CSMD1: variants seen among roughly 807,000 people sequenced by gnomAD.
CSMD1 encodes the protein CUB and sushi domain-containing protein 1.
CSMD1 carries 213 observed loss-of-function variants against 417.5 expected under a neutral mutation model. The observed-to-expected ratio is 0.51, with a 90% CI of 0.46 to 0.57. The LOEUF is 0.57. Among genes scored for constraint, CSMD1 ranks in the 20% least tolerant of loss-of-function variants. The pLI, the probability that CSMD1 is intolerant of heterozygous loss-of-function variation, is 0.00. For missense variants in CSMD1, 6,923 were observed against 4,529.7 expected (o/e 1.53, Z -15.17); for synonymous variants, 2,862 against 1,736.8 (o/e 1.65, Z -16.11).
intron 1 of CSMD1, among the ~76,000 whole-genome samples, chr8:4,708,196 T>C (rs556672256): frequency 2.2e-4 from 34 of 152,266 alleles, no homozygotes; most frequent in African/African-American, 8.2e-4. Context: ...ACAATCCACC[T>C]ACCTGGGCCT....
At chr8:3,984,704 CATATATAT>C (rs59669026) in intron 5 of CSMD1, among the ~76,000 whole-genome samples, 2,460 of 82,590 alleles carry the variant, frequency 0.03, 81 homozygotes, top group African/African-American at 0.043. Flanking sequence ...GTGTATATAT[CATATATAT>C]ATATATATAT....
At position 3,608,621 on chromosome 8, in the gene CSMD1, G is replaced by A. The variant is rs532667612; in HGVS notation, c.1097+8089C>T. Among the ~76,000 whole-genome samples, 19 of 151,848 alleles carry A rather than the reference G, an allele frequency of 1.3e-4. No individual in the cohort carries two copies. In the East Asian group the frequency reaches 2.0e-3, roughly 16 times the overall value. On this transcript the variant is annotated intron_variant, in intron 8 of 69. Coordinates refer to ENST00000635120, the MANE Select transcript of CSMD1 (RefSeq NM_033225.6). ...TATTAAAAATGCAAAAAAATTAGCC[G>A]GGCATGGTAGCACACGCCTGTAATC...
chr8:4,295,781 T>TACACACAC (rs1797648652), intron 3 of CSMD1, among the ~76,000 whole-genome samples: 1 of 43,234 alleles, frequency 2.3e-5, no homozygotes, highest in Non-Finnish European at 5.2e-5. Flanking sequence ...TATATATATA[T>TACACACAC]ATATATACAC....
At chr8:4,548,843 G>A (rs1365484777) in intron 2 of CSMD1, among the ~76,000 whole-genome samples, 1 of 151,998 alleles carries the variant, frequency 6.6e-6, no homozygotes, top group African/African-American at 2.4e-5. Flanking sequence ...GGTCTTGGGG[G>A]GACATGTGAT....
chr8:3,575,577 G>A (rs1800117547), intron 9 of CSMD1, among the ~76,000 whole-genome samples: 1 of 152,072 alleles, frequency 6.6e-6, no homozygotes, highest in Non-Finnish European at 1.5e-5. Flanking sequence ...AAAGGGTTTT[G>A]GAGCAGATGA....
At chr8:3,617,873 A>C (rs1280722714) in intron 7 of CSMD1, among the ~76,000 whole-genome samples, 1 of 152,222 alleles carries the variant, frequency 6.6e-6, no homozygotes, top group Non-Finnish European at 1.5e-5. Context: ...TATACATATA[A>C]ATATACATTT....
intron 6 of CSMD1, among the ~76,000 whole-genome samples, chr8:3,751,911 C>G (rs1293206892): frequency 1.3e-5 from 2 of 152,146 alleles, no homozygotes; most frequent in Non-Finnish European, 2.9e-5. Flanking sequence ...TGTTAATCAA[C>G]CTAACTGACT....
At chr8:4,333,928 G>C (rs974923151) in intron 3 of CSMD1, among the ~76,000 whole-genome samples, 8 of 151,986 alleles carry the variant, frequency 5.3e-5, no homozygotes, top group Non-Finnish European at 7.4e-5. Flanking sequence ...TTCTCACTCT[G>C]TCATCCAGAC....
intron 4 of CSMD1, among the ~76,000 whole-genome samples, chr8:4,025,702 G>C (rs1308170330): frequency 1.3e-5 from 2 of 152,118 alleles, no homozygotes; most frequent in African/African-American, 2.4e-5. Flanking sequence ...ATAGTTGAAA[G>C]ATTACCTCTC....
chr8:4,205,761 T>A (rs1409259409), intron 3 of CSMD1, among the ~76,000 whole-genome samples: 3 of 152,200 alleles, frequency 2.0e-5, no homozygotes, highest in Non-Finnish European at 4.4e-5. Context: ...AACAGCTGTT[T>A]GGGCCATAGA....
intron 1 of CSMD1, among the ~76,000 whole-genome samples, chr8:4,920,603 C>G (rs1050027743): frequency 2.0e-5 from 3 of 151,982 alleles, no homozygotes; most frequent in Non-Finnish European, 4.4e-5. Context: ...AGGTGGATCA[C>G]CTGAAGTCAG....
chr8:3,542,290 A>T (rs967240682), intron 10 of CSMD1, among the ~76,000 whole-genome samples: 3 of 151,970 alleles, frequency 2.0e-5, no homozygotes, highest in Admixed American at 6.5e-5. Flanking sequence ...TGGTTCATTC[A>T]TTCAGATGGT....
chr8:4,972,670 T>C (rs1313476000), intron 1 of CSMD1, among the ~76,000 whole-genome samples: 2 of 151,244 alleles, frequency 1.3e-5, no homozygotes, highest in Non-Finnish European at 3.0e-5. Flanking sequence ...AGACAAATCG[T>C]TGACTTTCCT....
chr8:3,321,035 G>T (rs951388413), intron 23 of CSMD1, among the ~76,000 whole-genome samples: 1 of 152,132 alleles, frequency 6.6e-6, no homozygotes, highest in African/African-American at 2.4e-5. Flanking sequence ...GTATTTCCCA[G>T]TTCATCTGAA....
intron 49 of CSMD1, among the ~76,000 whole-genome samples, chr8:3,064,343 A>T (rs1812780874): frequency 6.6e-6 from 1 of 152,112 alleles, no homozygotes; most frequent in Non-Finnish European, 1.5e-5. Flanking sequence ...AGGAGATCTG[A>T]TGGTTTGAAA....
intron 3 of CSMD1, among the ~76,000 whole-genome samples, chr8:4,320,784 T>A (rs1251231986): frequency 2.6e-5 from 4 of 152,170 alleles, no homozygotes; most frequent in African/African-American, 9.7e-5. Context: ...TGGTGATTCC[T>A]CAAGGATCTA....
chr8:3,017,102 A>C (rs374934834), intron 52 of CSMD1, among the ~76,000 whole-genome samples: 2 of 152,252 alleles, frequency 1.3e-5, no homozygotes, highest in East Asian at 3.8e-4. Context: ...GTTTGTAAGC[A>C]GTAGAGCAGC....
intron 8 of CSMD1, among the ~76,000 whole-genome samples, chr8:3,599,901 T>C (rs1801280714): frequency 6.6e-6 from 1 of 152,104 alleles, no homozygotes; most frequent in Non-Finnish European, 1.5e-5. Flanking sequence ...ACCTTCCCCT[T>C]CCAGAGGAAG....
Position 4,743,016 on chromosome 8 carries a change from G to A in CSMD1, c.86-105458C>T, listed in dbSNP as rs7836641. Among the ~76,000 whole-genome samples the A allele has an allele frequency of 2.1e-3, 325 of 152,246 alleles. 3 individuals are homozygous for A. The highest frequency in any genetic ancestry group is 7.6e-3 in the African/African-American group (314 of 41,530). On this transcript the variant is annotated intron_variant, in intron 1 of 69. Transcript: ENST00000635120. ...AACCACATGCTTCACTGTGTTTGGA[G>A]AATTACAGCTATTTTCTAAGTGTTT...
Sources: gnomAD v4.1 joint callset for allele counts (sites outside exome capture counted in the v4.1 genomes callset) on GRCh38, gnomAD v4.1.1 for gene constraint, MANE v1.5 for transcripts, NCBI Gene and HGNC (gene_info 2026-07-23, HGNC 2026-07-21) for gene names.